The following AGBL4 variants were observed in gnomAD, a reference collection of about 807,000 sequenced individuals.
AGBL4 encodes AGBL carboxypeptidase 4.
AGBL4 carries 58 observed loss-of-function variants against 66.4 expected under a neutral mutation model. That is an observed-to-expected ratio of 0.87 (90% CI 0.71 to 1.09). AGBL4 has a LOEUF of 1.09. Among genes scored for constraint, AGBL4 ranks in the 50% least tolerant of loss-of-function variants. AGBL4 has a pLI of 0.00. For synonymous variants in AGBL4, 234 were observed against 222.9 expected (o/e 1.05, Z -0.44); for missense variants, 579 against 631.0 (o/e 0.92, Z 0.88).
chr1:48,738,843 T>C (rs557149218), intron 6 of AGBL4, among the ~76,000 whole-genome samples: 3 of 152,238 alleles, frequency 2.0e-5, no homozygotes, highest in African/African-American at 7.2e-5. Context: ...GAACCAGGTA[T>C]TGTACATTCA....
At chr1:49,659,525 A>G (rs939834546) in intron 3 of AGBL4, among the ~76,000 whole-genome samples, 2 of 152,190 alleles carry the variant, frequency 1.3e-5, no homozygotes, top group South Asian at 2.1e-4. Context: ...CAGACTTTAA[A>G]CCAACAAACA....
At chr1:49,947,350 T>A (rs1447223473) in intron 1 of AGBL4, among the ~76,000 whole-genome samples, 2 of 152,072 alleles carry the variant, frequency 1.3e-5, no homozygotes, top group African/African-American at 4.8e-5. Context: ...TCCACCATGA[T>A]CAAGTGGGTT....
intron 2 of AGBL4, chr1:49,846,106 G>C: frequency 6.6e-7 from 1 of 1,521,978 alleles, no homozygotes; most frequent in Non-Finnish European, 9.1e-7. Flanking sequence ...AGTGTAGCCA[G>C]AGCTCCCTTC....
intron 6 of AGBL4, among the ~76,000 whole-genome samples, chr1:48,714,287 T>G (rs1647013106): frequency 6.6e-6 from 1 of 152,100 alleles, no homozygotes; most frequent in Admixed American, 6.5e-5. Context: ...AGAACAAATA[T>G]TTCTCCATGG....
intron 6 of AGBL4, among the ~76,000 whole-genome samples, chr1:48,758,162 C>T (rs1477020792): frequency 2.0e-5 from 3 of 152,150 alleles, no homozygotes; most frequent in South Asian, 2.1e-4. Flanking sequence ...GAGTTTTATA[C>T]GTCTTTATAT....
intron 5 of AGBL4, among the ~76,000 whole-genome samples, chr1:48,969,955 T>G (rs79308109): frequency 0.01 from 1,551 of 152,298 alleles, 50 homozygotes; most frequent in Admixed American, 0.077. Context: ...TTGTATTAAT[T>G]TAATCTTTGA....
At chr1:49,568,925 A>C (rs1644270561) in intron 3 of AGBL4, among the ~76,000 whole-genome samples, 1 of 152,140 alleles carries the variant, frequency 6.6e-6, no homozygotes, top group Non-Finnish European at 1.5e-5. Context: ...AGATATTTGC[A>C]CTCCCGCGTT....
chr1:49,609,150 T>C (rs748671644), intron 3 of AGBL4, among the ~76,000 whole-genome samples: 14 of 152,150 alleles, frequency 9.2e-5, no homozygotes, highest in Non-Finnish European at 1.6e-4. Flanking sequence ...AGGCGATATA[T>C]GCAAGGACAA....
intron 6 of AGBL4, among the ~76,000 whole-genome samples, chr1:48,733,226 A>G (rs1384513154): frequency 1.3e-5 from 2 of 152,172 alleles, no homozygotes; most frequent in African/African-American, 2.4e-5. Context: ...ATATATTTAC[A>G]TGATGCTGGG....
chr1:48,596,246 A>G (rs983472006), intron 9 of AGBL4, among the ~76,000 whole-genome samples: 1 of 152,098 alleles, frequency 6.6e-6, no homozygotes, highest in African/African-American at 2.4e-5. Flanking sequence ...TTCAGCTCTG[A>G]GCTGAAGGAT....
Position 48,634,470 on chromosome 1 carries a change from G to A in AGBL4, c.951+23C>T, listed in dbSNP as rs779969383. 8 of 1,547,968 alleles carry A rather than the reference G, an allele frequency of 5.2e-6. No individual in the cohort carries two copies. The East Asian group carries it at 7.0e-5, about 14-fold the overall frequency. On this transcript the variant is annotated intron_variant, in intron 9 of 13. Transcript: ENST00000371839. ...CAGATCAAGCCATAGATCAGCAGCTGTGGAGGGCATTCAGTTACTTACTGG... is the reference window on the plus strand; with the variant it reads ...CAGATCAAGCCATAGATCAGCAGCTATGGAGGGCATTCAGTTACTTACTGG...
chr1:49,642,613 T>A lies in AGBL4; in HGVS notation c.282+54700A>T, dbSNP rs528569847. On this transcript the variant is annotated intron_variant, in intron 3 of 13. Transcript: ENST00000371839. ...CTCAGAAAGAAGCACCAAAAAGGAT[T>A]AAAAGGAACAAACCTTCGTGCTCAC... Among the ~76,000 whole-genome samples, 3 of 151,912 alleles carry A rather than the reference T, an allele frequency of 2.0e-5. No individual in the cohort carries two copies. In the East Asian group the frequency reaches 5.8e-4, roughly 29 times the overall value.
chr1:49,559,256 G>A (rs1643976016), intron 3 of AGBL4, among the ~76,000 whole-genome samples: 2 of 152,112 alleles, frequency 1.3e-5, no homozygotes, highest in South Asian at 4.1e-4. Flanking sequence ...AGGAATGTAA[G>A]GGAAAATAAT....
intron 6 of AGBL4, among the ~76,000 whole-genome samples, chr1:48,748,517 G>A (rs1172088231): frequency 2.0e-5 from 3 of 152,194 alleles, no homozygotes; most frequent in Admixed American, 2.0e-4. Context: ...AGGAGGGGGT[G>A]CTGCCTCTGG....
intron 6 of AGBL4, among the ~76,000 whole-genome samples, chr1:48,664,822 C>G (rs1646160142): frequency 6.6e-6 from 1 of 152,118 alleles, no homozygotes; most frequent in Non-Finnish European, 1.5e-5. Flanking sequence ...CAGCAGTGGG[C>G]AGACGAAGGG....
intron 5 of AGBL4, among the ~76,000 whole-genome samples, chr1:49,008,815 T>C (rs1662103139): frequency 6.6e-6 from 1 of 151,370 alleles, no homozygotes; most frequent in African/African-American, 2.4e-5. Context: ...AATAAAGATG[T>C]TCTTTGAAAC....
intron 2 of AGBL4, among the ~76,000 whole-genome samples, chr1:49,726,835 A>G (rs1470839678): frequency 2.0e-5 from 3 of 152,160 alleles, no homozygotes; most frequent in Non-Finnish European, 4.4e-5. Context: ...CTTACTACAC[A>G]TGGAGGAGGA....
intron 5 of AGBL4, among the ~76,000 whole-genome samples, chr1:48,944,163 T>C (rs1454154287): frequency 6.6e-6 from 1 of 152,126 alleles, no homozygotes; most frequent in Non-Finnish European, 1.5e-5. Flanking sequence ...CATGACAGCA[T>C]GGAAGGAAGC....
chr1:48,665,048 A>C (rs937829245), intron 6 of AGBL4, among the ~76,000 whole-genome samples: 1 of 152,206 alleles, frequency 6.6e-6, no homozygotes, highest in African/African-American at 2.4e-5. Context: ...GATGAAACTA[A>C]AAATATTAAC....
Sources: allele counts gnomAD v4.1 joint callset (sites outside exome capture counted in the v4.1 genomes callset), GRCh38; gene constraint gnomAD v4.1.1; transcripts MANE v1.5; gene names NCBI Gene and HGNC (gene_info 2026-07-23, HGNC 2026-07-21).